The following KIZ variants were observed in gnomAD, a reference collection of about 807,000 sequenced individuals.
KIZ encodes the protein kizuna centrosomal protein, also known as centrosomal protein kizuna.
KIZ carries 68 observed loss-of-function variants against 79.6 expected under a neutral mutation model. The ratio of observed to expected loss-of-function variants is 0.85; its 90% CI spans 0.70 to 1.05. KIZ has a LOEUF of 1.05. Ranked by LOEUF, KIZ falls within the 50% of genes least tolerant of loss-of-function variation. The pLI, the probability that KIZ is intolerant of heterozygous loss-of-function variation, is 0.00. For synonymous variants in KIZ, 280 were observed against 281.8 expected (o/e 0.99, Z 0.06); for missense variants, 797 against 800.4 (o/e 1.00, Z 0.05).
Position 21,156,585 on chromosome 20 carries a change from C to T in KIZ, c.406-5286C>T, listed in dbSNP as rs185658525. ...ACTTGGTGATAATAATAATAAATGA[C>T]TTTGTTACTGGCTTATTATTGGCCC... On this transcript the variant is annotated intron_variant, in intron 4 of 12. Coordinates refer to ENST00000619189, the MANE Select transcript of KIZ (RefSeq NM_018474.6). 2.2e-3 allele frequency among the ~76,000 whole-genome samples: 331 copies of T among 152,134 alleles called. 1 individual carries two copies. Among genetic ancestry groups the T allele is most frequent in the African/African-American group, 7.9e-3 (326 of 41,502 alleles).
At chr20:21,228,990 G>A (rs1449331239) in intron 9 of KIZ, 21 bp from the exon 10 acceptor site, 11 of 1,372,486 alleles carry the variant, frequency 8.0e-6, no homozygotes, top group South Asian at 3.6e-5. Context: ...TAATATTTCT[G>A]TGTTTTTCTT....
intron 6 of KIZ, among the ~76,000 whole-genome samples, chr20:21,182,090 A>G (rs2034678038): frequency 2.6e-5 from 4 of 152,212 alleles, no homozygotes; most frequent in Admixed American, 2.0e-4. Flanking sequence ...GTGTCCCTCT[A>G]AAATTCATAT....
chr20:21,136,905 A>C (rs1054264570), intron 3 of KIZ, among the ~76,000 whole-genome samples: 1 of 152,208 alleles, frequency 6.6e-6, no homozygotes, highest in Admixed American at 6.5e-5. Flanking sequence ...GTGAATTACC[A>C]TGTGGCTGAA....
At chr20:21,202,128 G>A (rs1884244783) in intron 6 of KIZ, among the ~76,000 whole-genome samples, 1 of 152,208 alleles carries the variant, frequency 6.6e-6, no homozygotes, top group South Asian at 2.1e-4. Flanking sequence ...ATGCAATTGG[G>A]TGGTGTATTA....
At chr20:21,204,089 C>T (rs1335194809) in intron 6 of KIZ, among the ~76,000 whole-genome samples, 1 of 149,764 alleles carries the variant, frequency 6.7e-6, no homozygotes, top group Non-Finnish European at 1.5e-5. Context: ...GCACAATCCC[C>T]TTAAGAGTCA....
chr20:21,211,023 T>C (rs16982587), intron 7 of KIZ, among the ~76,000 whole-genome samples: 2,220 of 152,312 alleles, frequency 0.015, 49 homozygotes, highest in African/African-American at 0.05. Flanking sequence ...GCAGTTTAAT[T>C]TTTGTCTTTT....
rs1198238590 is a variant in KIZ at position 21,126,084 on chromosome 20, A to G, written c.-32A>G. ...CAACCCCGGCCGAACGGCCACCCAG[A>G]GGCTGTGCTGAGCTGGCGCAGCGGC... On this transcript the variant is annotated 5_prime_UTR_variant, in exon 1 of 13. Coordinates refer to ENST00000619189, the MANE Select transcript of KIZ (RefSeq NM_018474.6). 4.0e-6 allele frequency: 6 copies of G among 1,496,896 alleles called. No homozygotes were observed. The South Asian group carries it at 7.5e-5, about 19-fold the overall frequency. The allele number at this position is 1,496,896 out of a possible 1,614,324, so 92.7% of individuals were successfully genotyped here. A position where few individuals can be genotyped will look rare whatever the true frequency, so the allele number is the denominator to read the frequency against.
chr20:21,169,165 A>C (rs1376343984), intron 6 of KIZ, among the ~76,000 whole-genome samples: 1 of 152,210 alleles, frequency 6.6e-6, no homozygotes, highest in Non-Finnish European at 1.5e-5. Flanking sequence ...CATGGGAGAA[A>C]ATTTTTGCAA....
intron 6 of KIZ, among the ~76,000 whole-genome samples, chr20:21,172,903 C>T (rs1480719770): frequency 6.6e-6 from 1 of 152,128 alleles, no homozygotes; most frequent in Non-Finnish European, 1.5e-5. Context: ...TGAGAAAGAG[C>T]ATGCTAGGCA....
intron 1 of KIZ, among the ~76,000 whole-genome samples, chr20:21,130,028 C>T (rs928933714): frequency 6.6e-6 from 1 of 152,200 alleles, no homozygotes; most frequent in Admixed American, 6.5e-5. Context: ...TACATGATCA[C>T]ACCATACAGC....
At chr20:21,166,294 A>G in intron 6 of KIZ, 2 of 1,602,834 alleles carry the variant, frequency 1.2e-6, no homozygotes, top group Middle Eastern at 2.3e-4. Flanking sequence ...TGTCAGTACA[A>G]TGAAACCAAC....
intron 11 of KIZ, among the ~76,000 whole-genome samples, chr20:21,236,608 C>G (rs949631064): frequency 6.6e-6 from 1 of 152,170 alleles, no homozygotes; most frequent in Non-Finnish European, 1.5e-5. Context: ...CCCTCTGAGT[C>G]TCATTGCCAC....
At chr20:21,236,361 A>G (rs1396687132) in intron 11 of KIZ, among the ~76,000 whole-genome samples, 2 of 152,204 alleles carry the variant, frequency 1.3e-5, no homozygotes, top group African/African-American at 2.4e-5. Flanking sequence ...TCAGAAACAT[A>G]TGTCTGTTTT....
chr20:21,179,355 T>A (rs1414511794), intron 6 of KIZ, among the ~76,000 whole-genome samples: 1 of 151,720 alleles, frequency 6.6e-6, no homozygotes, highest in Non-Finnish European at 1.5e-5. Flanking sequence ...GGTTATCCAG[T>A]TTGTTGGTTT....
chr20:21,238,387 G>A (rs1354840398), intron 11 of KIZ, among the ~76,000 whole-genome samples: 2 of 151,558 alleles, frequency 1.3e-5, no homozygotes, highest in Non-Finnish European at 2.9e-5. Flanking sequence ...GAGTGTGTGA[G>A]AGAGTGTGTG....
intron 6 of KIZ, among the ~76,000 whole-genome samples, chr20:21,172,084 T>A (rs2034232172): frequency 6.6e-6 from 1 of 152,222 alleles, no homozygotes; most frequent in Admixed American, 6.5e-5. Context: ...GCTTTCCTAA[T>A]CCACAAAAGC....
intron 11 of KIZ, among the ~76,000 whole-genome samples, chr20:21,234,288 GT>G (rs1569001466): frequency 6.6e-6 from 1 of 150,924 alleles, no homozygotes; most frequent in East Asian, 1.9e-4. Flanking sequence ...TATTAGTATC[GT>G]TTCCGTATGA....
At chr20:21,176,560 C>CA (rs2034443771) in intron 6 of KIZ, among the ~76,000 whole-genome samples, 1 of 70,172 alleles carries the variant, frequency 1.4e-5, no homozygotes, top group Non-Finnish European at 3.1e-5. Flanking sequence ...TTACAAGGCA[C>CA]AAAAAAGGCA....
chr20:21,172,093 G>A (rs979367994), intron 6 of KIZ, among the ~76,000 whole-genome samples: 3 of 152,184 alleles, frequency 2.0e-5, no homozygotes, highest in Admixed American at 6.5e-5. Flanking sequence ...ATCCACAAAA[G>A]CATGAGATGT....
Sources: allele counts gnomAD v4.1 joint callset (sites outside exome capture counted in the v4.1 genomes callset), GRCh38; gene constraint gnomAD v4.1.1; transcripts MANE v1.5; gene names NCBI Gene and HGNC (gene_info 2026-07-23, HGNC 2026-07-21).